LDLRAD4: variants seen among roughly 807,000 people sequenced by gnomAD.
LDLRAD4 encodes low density lipoprotein receptor class A domain containing 4.
In LDLRAD4, 5 loss-of-function variants were observed where a neutral mutation model predicts 17.0. The observed-to-expected ratio is 0.29, with a 90% CI of 0.15 to 0.62. LDLRAD4 has a LOEUF of 0.62. LDLRAD4 is among the 20% of genes least tolerant of loss of function. LDLRAD4 has a pLI of 0.84. For synonymous variants in LDLRAD4, 168 were observed against 171.8 expected (o/e 0.98, Z 0.17); for missense variants, 340 against 424.7 (o/e 0.80, Z 1.75).
chr18:13,270,759 G>A (rs1481254545), intron 1 of LDLRAD4, among the ~76,000 whole-genome samples: 1 of 152,184 alleles, frequency 6.6e-6, no homozygotes, highest in Non-Finnish European at 1.5e-5. Context: ...CAGGAGCGGA[G>A]ACCACAGCCA....
At chr18:13,368,175 A>G (rs1371930888) in intron 1 of LDLRAD4, among the ~76,000 whole-genome samples, 1 of 152,156 alleles carries the variant, frequency 6.6e-6, no homozygotes, top group African/African-American at 2.4e-5. Context: ...TTCCTGCACC[A>G]GGCGACAGGT....
At chr18:13,498,650 G>A (rs2093535107) in intron 3 of LDLRAD4, among the ~76,000 whole-genome samples, 1 of 149,334 alleles carries the variant, frequency 6.7e-6, no homozygotes, top group Non-Finnish European at 1.5e-5. Context: ...TCCCACTGTG[G>A]ACACTGGAGA....
chr18:13,461,765 CTGAT>C (rs1302910257), intron 3 of LDLRAD4, among the ~76,000 whole-genome samples: 2 of 152,186 alleles, frequency 1.3e-5, no homozygotes, highest in African/African-American at 4.8e-5. Context: ...ATGCAAATGT[CTGAT>C]TGGTTGCAGA....
intron 4 of LDLRAD4, among the ~76,000 whole-genome samples, chr18:13,639,366 A>G (rs2042333162): frequency 6.6e-6 from 1 of 152,248 alleles, no homozygotes; most frequent in Admixed American, 6.5e-5. Flanking sequence ...CTCAGTTGGC[A>G]CAAGCCCCTT....
intron 2 of LDLRAD4, among the ~76,000 whole-genome samples, chr18:13,414,288 C>T (rs2088661645): frequency 6.6e-6 from 1 of 152,240 alleles, no homozygotes; most frequent in Non-Finnish European, 1.5e-5. Flanking sequence ...GGGCAAGTCA[C>T]ATGACCTCTT....
At chr18:13,387,725 G>T in exon 2 of LDLRAD4, 1 of 1,614,036 alleles carries the variant, frequency 6.2e-7, no homozygotes. Flanking sequence ...GGAGCAGTAT[G>T]CCGGAAGCTG....
At chr18:13,301,754 T>C (rs1242026675) in intron 1 of LDLRAD4, among the ~76,000 whole-genome samples, 2 of 152,216 alleles carry the variant, frequency 1.3e-5, no homozygotes, top group African/African-American at 4.8e-5. Context: ...ATCGTGCACC[T>C]CCTGTGGAGT....
rs1264191559 is a variant in LDLRAD4, at chr18:13,440,783, C to T, written c.181+2399C>T. ...CATCTCCACTCCCCACGTGGCCCTT[C>T]CTGGGGAGTGCACTGCTGTGACTTT... On this transcript the variant is annotated intron_variant, in intron 3 of 5. Coordinates refer to ENST00000359446, the Ensembl canonical transcript of LDLRAD4. This position sits in a 1 kb window ranked among gnomAD's most constrained non-coding sequence, Gnocchi z 4.4. Among the ~76,000 whole-genome samples the T allele has an allele frequency of 6.6e-6, 1 of 152,218 alleles. No individual in the cohort carries two copies. The highest frequency in any genetic ancestry group is 1.5e-5 in the Non-Finnish European group (1 of 68,042).
At chr18:13,520,301 G>A (rs2093933234) in intron 3 of LDLRAD4, 1 of 152,228 alleles carries the variant, frequency 6.6e-6, no homozygotes, top group South Asian at 2.1e-4. Context: ...CGAGAGGAGG[G>A]AGAACCTTGA....
chr18:13,506,721 GCC>G (rs1329733021), intron 3 of LDLRAD4, among the ~76,000 whole-genome samples: 1 of 152,210 alleles, frequency 6.6e-6, no homozygotes. Flanking sequence ...TCAATGCCTG[GCC>G]TCACAGCTTC....
chr18:13,525,031 G>T (rs1467914723), intron 3 of LDLRAD4, among the ~76,000 whole-genome samples: 1 of 152,188 alleles, frequency 6.6e-6, no homozygotes. Flanking sequence ...GGGAGTGTGC[G>T]TGCGCCTTTG....
At chr18:13,624,020 A>C (rs1353301442) in intron 4 of LDLRAD4, among the ~76,000 whole-genome samples, 1 of 152,186 alleles carries the variant, frequency 6.6e-6, no homozygotes, top group African/African-American at 2.4e-5. Flanking sequence ...GGGGAATCCT[A>C]CAATGTGTCC....
intron 3 of LDLRAD4, among the ~76,000 whole-genome samples, chr18:13,523,982 G>T (rs1196324918): frequency 6.6e-6 from 1 of 152,180 alleles, no homozygotes; most frequent in Non-Finnish European, 1.5e-5. Context: ...TCTCTGCCTT[G>T]GCCTGGACAC....
intron 1 of LDLRAD4, among the ~76,000 whole-genome samples, chr18:13,289,712 C>T (rs992278475): frequency 6.6e-6 from 1 of 152,272 alleles, no homozygotes; most frequent in Middle Eastern, 3.4e-3. Flanking sequence ...CAGTCCTGAG[C>T]CATTGGGACT....
At chr18:13,407,387 A>G (rs903459613) in intron 2 of LDLRAD4, among the ~76,000 whole-genome samples, 1 of 152,236 alleles carries the variant, frequency 6.6e-6, no homozygotes, top group African/African-American at 2.4e-5. Flanking sequence ...ACCCAGTGTT[A>G]TAGAATGCCC....
At chr18:13,512,390 A>T (rs762406140) in intron 3 of LDLRAD4, among the ~76,000 whole-genome samples, 12 of 152,198 alleles carry the variant, frequency 7.9e-5, no homozygotes, top group Non-Finnish European at 1.3e-4. Context: ...TCAAAACAGG[A>T]ACATCCCTTG....
intron 3 of LDLRAD4, among the ~76,000 whole-genome samples, chr18:13,562,253 G>T (rs1165820207): frequency 6.6e-6 from 1 of 152,180 alleles, no homozygotes; most frequent in Admixed American, 6.5e-5. Flanking sequence ...GCTGTGTTTG[G>T]TAGAGGGACT....
chr18:13,274,004 G>A (rs75216251), upstream of LDLRAD4, among the ~76,000 whole-genome samples: 171 of 152,246 alleles, frequency 1.1e-3, no homozygotes, highest in African/African-American at 4.1e-3. Context: ...ACGTGTGGAT[G>A]CCCCGATGCC....
intron 1 of LDLRAD4, among the ~76,000 whole-genome samples, chr18:13,286,102 C>G (rs1056142396): frequency 3.9e-5 from 6 of 152,242 alleles, no homozygotes; most frequent in Non-Finnish European, 8.8e-5. Flanking sequence ...CATTCCCTCT[C>G]CCTCCAGCCG....
Sources: gnomAD v4.1 joint callset for allele counts (sites outside exome capture counted in the v4.1 genomes callset) on GRCh38, gnomAD v4.1.1 for gene constraint, Gnocchi (gnomAD v3.1) non-coding constraint, MANE v1.5 for transcripts, NCBI Gene and HGNC (gene_info 2026-07-23, HGNC 2026-07-21) for gene names.